The following ZNF264 variants were observed in gnomAD, a reference collection of about 807,000 sequenced individuals.
ZNF264 encodes the protein zinc finger protein 264.
A neutral mutation model predicts 11.2 loss-of-function variants in ZNF264; 11 were observed. The observed-to-expected ratio is 0.98, with a 90% CI of 0.62 to 1.63. ZNF264 has a LOEUF of 1.63. Among genes scored for constraint, ZNF264 ranks in the 40% most tolerant of loss-of-function variants. The pLI, the probability that ZNF264 is intolerant of heterozygous loss-of-function variation, is 0.00. For missense variants in ZNF264, 752 were observed against 768.1 expected, an observed-to-expected ratio of 0.98 and a Z score of 0.25; for synonymous variants, 309 against 279.8, an observed-to-expected ratio of 1.10 and a Z score of -1.04.
chr19:57,209,391 T>A lies in ZNF264; in HGVS notation c.257-1963T>A, dbSNP rs2087317348. Among the ~76,000 whole-genome samples, 5 of 152,344 alleles carry A rather than the reference T, an allele frequency of 3.3e-5. No homozygotes were observed. In the South Asian group the frequency reaches 1.0e-3, roughly 32 times the overall value. On this transcript the variant is annotated intron_variant, in intron 3 of 3. Transcript: ENST00000263095. ...CCCAATTTTTCTAGCTTCGTTTCCT[T>A]AATTTAACAGACCATCAAGTTCCAT...
chr19:57,218,946 T>C lies in ZNF264; in HGVS notation c.*5965T>C, dbSNP rs2087398717. On this transcript the variant is annotated 3_prime_UTR_variant, in exon 4 of 4. Transcript: ENST00000263095. ...GTTTGTCTTGACATTTGAATAGAAA[T>C]GTTAAACTATCTGGGGGAATAGAAA... The C allele has an allele frequency of 2.6e-5, 4 of 152,190 alleles. No homozygotes were observed. Among genetic ancestry groups the C allele is most frequent in the African/African-American group, 4.8e-5 (2 of 41,448 alleles). 9.4% of individuals were successfully genotyped at this position (152,190 alleles called of 1,614,324 possible).
intron 2 of ZNF264, among the ~76,000 whole-genome samples, chr19:57,195,241 T>TA (rs2087203857): frequency 1.3e-5 from 2 of 152,222 alleles, no homozygotes; most frequent in African/African-American, 2.4e-5. Flanking sequence ...TGCTATTACA[T>TA]AAAGGTAGCA....
chr19:57,198,364 AG>A lies in ZNF264; in HGVS notation c.160+4364del, dbSNP rs557351844. On this transcript the variant is annotated intron_variant, in intron 2 of 3. Transcript: ENST00000263095. Reference sequence around the variant, plus strand: ...GGAATCACCACCCCTGCATCATTCAAGTCCTTGATGGTGGCACTAATCTCCA... The same window carrying A: ...GGAATCACCACCCCTGCATCATTCAATCCTTGATGGTGGCACTAATCTCCA... 1.1e-3 allele frequency among the ~76,000 whole-genome samples: 167 copies of A among 152,072 alleles called. 2 individuals carry two copies. Among genetic ancestry groups the A allele is most frequent in the Non-Finnish European group, 6.6e-4 (45 of 68,034 alleles).
rs559642048 is a variant in ZNF264, at chr19:57,215,074, G to A, written c.*2093G>A. 2 of 152,272 alleles carry A rather than the reference G, an allele frequency of 1.3e-5. No individual in the cohort carries two copies. Among genetic ancestry groups the A allele is most frequent in the South Asian group, 4.1e-4 (2 of 4,822 alleles). The allele number at this position is 152,272 out of a possible 1,614,324, so 9.4% of individuals were successfully genotyped here. A position where few individuals can be genotyped will look rare whatever the true frequency, so the allele number is the denominator to read the frequency against. On this transcript the variant is annotated 3_prime_UTR_variant, in exon 4 of 4. Transcript: ENST00000263095. ...TTATGTGTGGTTTTGATGTCTAGGT[G>A]ATCTTGACCTTTCAACATGAATTGG...
At chr19:57,203,912 C>T (rs989560275) in intron 2 of ZNF264, among the ~76,000 whole-genome samples, 5 of 151,862 alleles carry the variant, frequency 3.3e-5, no homozygotes, top group African/African-American at 4.8e-5. Context: ...CATGGCCAGG[C>T]GCGGTTGCTT....
In ZNF264 at chr19:57,218,843, TCTTTG is replaced by T. The variant is rs2122778584; in HGVS notation, c.*5866_*5870del. 1.3e-5 allele frequency: 2 copies of T among 152,344 alleles called. No homozygotes were observed. The highest frequency in any genetic ancestry group is 2.9e-5 in the Non-Finnish European group (2 of 68,040). 9.4% of individuals were successfully genotyped at this position (152,344 alleles called of 1,614,324 possible). ...TGGGTTCTTTTGTACACCTTCTGTT[TCTTTG>T]CTTATTTTTTAACGCCAAAGAAAGA... On this transcript the variant is annotated 3_prime_UTR_variant, in exon 4 of 4. Transcript: ENST00000263095.
chr19:57,191,975 G>C, intron 1 of ZNF264, 29 bp downstream of exon 1: 1 of 1,519,602 alleles, frequency 6.6e-7, no homozygotes, highest in Non-Finnish European at 8.8e-7. Context: ...CGCGGTTGCC[G>C]CTTCCTTGCC....
intron 3 of ZNF264, among the ~76,000 whole-genome samples, chr19:57,208,480 G>A (rs1426059343): frequency 6.6e-6 from 1 of 152,128 alleles, no homozygotes; most frequent in Non-Finnish European, 1.5e-5. Context: ...GGAGGTCGAG[G>A]CTGAAGTGAT....
intron 2 of ZNF264, among the ~76,000 whole-genome samples, chr19:57,195,438 A>G (rs1214386631): frequency 6.6e-6 from 1 of 152,220 alleles, no homozygotes; most frequent in Non-Finnish European, 1.5e-5. Context: ...ATTAATGACT[A>G]CCTTCTTCTC....
At chr19:57,198,340 G>C (rs951541636) in intron 2 of ZNF264, among the ~76,000 whole-genome samples, 4 of 151,902 alleles carry the variant, frequency 2.6e-5, no homozygotes, top group African/African-American at 9.7e-5. Context: ...GATGTGGTGG[G>C]AATCACCACC....
In ZNF264 at chr19:57,205,435, G is replaced by T. The variant is rs750706159; in HGVS notation, c.199G>T (p.Glu67Ter). 1.2e-6 allele frequency: 2 copies of T among 1,612,544 alleles called. No homozygotes were observed. The highest frequency in any genetic ancestry group is 4.5e-5 in the East Asian group (2 of 44,872). ...CAAAGCTGAGCTGATCTGCCACCTA[G>T]AGCATGGGCAGGAGCCATGGACCAG... ...VPKAELICHL[E>*]HGQEPWTRKE... Residue 67 changes from glutamate (E) to a stop codon, truncating the protein, a stop_gained, in exon 3 of 4, where the codon GAG (glutamate) becomes TAG (stop). Transcript: ENST00000263095. LOFTEE classifies it high-confidence loss of function.
intron 2 of ZNF264, among the ~76,000 whole-genome samples, chr19:57,203,779 A>G (rs1415673959): frequency 6.6e-6 from 1 of 152,130 alleles, no homozygotes; most frequent in Non-Finnish European, 1.5e-5. Flanking sequence ...ACATCTCTGC[A>G]TCGTCATCAC....
chr19:57,207,104 T>A (rs1390854341), intron 3 of ZNF264, among the ~76,000 whole-genome samples: 1 of 148,660 alleles, frequency 6.7e-6, no homozygotes, highest in South Asian at 2.2e-4. Flanking sequence ...TCAACATGCC[T>A]AACAAGGAAC....
At chr19:57,206,274 C>T (rs959312312) in intron 3 of ZNF264, among the ~76,000 whole-genome samples, 6 of 152,116 alleles carry the variant, frequency 3.9e-5, no homozygotes, top group Middle Eastern at 3.4e-3. Context: ...GACGGAGTCT[C>T]GCTCTGTCAC....
intron 2 of ZNF264, 111 bp downstream of exon 2, chr19:57,194,112 C>CA (rs2087195354): frequency 7.0e-7 from 1 of 1,438,320 alleles, no homozygotes; most frequent in African/African-American, 1.4e-5. Context: ...TACCTTGCCT[C>CA]TTTCCCACAG....
At chr19:57,192,774 C>T (rs564495158) in intron 1 of ZNF264, among the ~76,000 whole-genome samples, 61 of 152,240 alleles carry the variant, frequency 4.0e-4, no homozygotes, top group Non-Finnish European at 6.9e-4. Flanking sequence ...CTCTGTCGCC[C>T]AGGCTGGAGT....
chr19:57,194,209 A>G (rs1205846485), intron 2 of ZNF264: 3 of 643,842 alleles, frequency 4.7e-6, no homozygotes, highest in Non-Finnish European at 7.2e-6. Context: ...CTCCCAGCCA[A>G]AGGAGAAGGT....
chr19:57,205,519 G>T (rs1249166568), intron 3 of ZNF264, 27 bp downstream of exon 3: 1 of 1,584,844 alleles, frequency 6.3e-7, no homozygotes, highest in South Asian at 1.1e-5. Context: ...GGGCAGGTTG[G>T]AGTCCCTTCT....
intron 2 of ZNF264, among the ~76,000 whole-genome samples, chr19:57,196,344 C>T (rs1295808680): frequency 6.6e-6 from 1 of 151,962 alleles, no homozygotes; most frequent in East Asian, 1.9e-4. Flanking sequence ...AAACCCATAT[C>T]CAGAGTAAGT....
Sources: allele counts gnomAD v4.1 joint callset (sites outside exome capture counted in the v4.1 genomes callset), GRCh38; gene constraint gnomAD v4.1.1; transcripts MANE v1.5; gene names NCBI Gene and HGNC (gene_info 2026-07-23, HGNC 2026-07-21).